Variants in PTPRN2 observed in about 807,000 individuals in gnomAD.
The protein encoded by PTPRN2 is receptor-type tyrosine-protein phosphatase N2.
A neutral mutation model predicts 118.8 loss-of-function variants in PTPRN2; 74 were observed. The ratio of observed to expected loss-of-function variants is 0.62; its 90% confidence interval spans 0.52 to 0.76. The LOEUF (loss-of-function observed/expected upper bound fraction) is 0.76. Among genes scored for constraint, PTPRN2 ranks in the 30% least tolerant of loss-of-function variants. PTPRN2 has a pLI of 0.00. For synonymous variants in PTPRN2, 641 were observed against 608.0 expected, an observed-to-expected ratio of 1.05 and a Z score of -0.80; for missense variants, 1,481 against 1,394.4, an observed-to-expected ratio of 1.06 and a Z score of -0.99.
At chr7:158,209,674 G>A (rs952242710) in intron 3 of PTPRN2, among the ~76,000 whole-genome samples, 4 of 152,146 alleles carry the variant, frequency 2.6e-5, no homozygotes, top group Non-Finnish European at 5.9e-5. Flanking sequence ...TATTGACCAA[G>A]CTGCACTGTT....
At chr7:158,038,873 T>G (rs1454879214) in intron 11 of PTPRN2, among the ~76,000 whole-genome samples, 2 of 151,374 alleles carry the variant, frequency 1.3e-5, no homozygotes, top group Non-Finnish European at 2.9e-5. Context: ...GCATGAAAAT[T>G]GAAGTGTTCA....
chr7:157,932,056 C>A (rs942904944), intron 11 of PTPRN2, among the ~76,000 whole-genome samples: 1 of 152,206 alleles, frequency 6.6e-6, no homozygotes, highest in African/African-American at 2.4e-5. Flanking sequence ...GCTTTACTCT[C>A]ACCTGCAAAA....
chr7:158,078,972 C>T (rs967539510), intron 11 of PTPRN2, among the ~76,000 whole-genome samples: 15 of 152,074 alleles, frequency 9.9e-5, no homozygotes, highest in South Asian at 2.1e-4. Flanking sequence ...CTCAGCCTCC[C>T]GAGTAGCTGA....
At chr7:157,735,453 A>G (rs978880376) in intron 12 of PTPRN2, among the ~76,000 whole-genome samples, 3 of 152,092 alleles carry the variant, frequency 2.0e-5, no homozygotes, top group African/African-American at 4.8e-5. Context: ...CTGCGTCCAC[A>G]CTCAACTGTG....
At chr7:158,146,858 A>G (rs972842029) in intron 6 of PTPRN2, among the ~76,000 whole-genome samples, 1 of 152,042 alleles carries the variant, frequency 6.6e-6, no homozygotes, top group South Asian at 2.1e-4. Context: ...ACCAATGGAT[A>G]GAACAAGCAA....
intron 11 of PTPRN2, among the ~76,000 whole-genome samples, chr7:158,034,235 T>C (rs1201347632): frequency 6.8e-6 from 1 of 147,942 alleles, no homozygotes; most frequent in Non-Finnish European, 1.5e-5. Flanking sequence ...CAATAGAAAC[T>C]CTGCATGCTG....
intron 3 of PTPRN2, among the ~76,000 whole-genome samples, chr7:158,302,692 C>T (rs1800982957): frequency 6.6e-6 from 1 of 152,252 alleles, no homozygotes; most frequent in South Asian, 2.1e-4. Flanking sequence ...GGAACTTAAA[C>T]TCCATCCGGA....
At chr7:158,065,484 C>G (rs1381413159) in intron 11 of PTPRN2, among the ~76,000 whole-genome samples, 1 of 152,232 alleles carries the variant, frequency 6.6e-6, no homozygotes, top group African/African-American at 2.4e-5. Flanking sequence ...CTGACCAAGT[C>G]AGAGCCAAGT....
intron 12 of PTPRN2, among the ~76,000 whole-genome samples, chr7:157,804,353 ACTT>A (rs1399025787): frequency 6.6e-6 from 1 of 152,174 alleles, no homozygotes; most frequent in African/African-American, 2.4e-5. Flanking sequence ...CTTTCCACAC[ACTT>A]CTTCATTCGT....
chr7:158,318,869 G>A (rs1047539827), intron 2 of PTPRN2, among the ~76,000 whole-genome samples: 4 of 152,244 alleles, frequency 2.6e-5, no homozygotes, highest in African/African-American at 9.6e-5. Context: ...AAATATAAGA[G>A]AAGCACATCT....
chr7:158,482,848 C>G (rs928626093), intron 2 of PTPRN2, among the ~76,000 whole-genome samples: 1 of 152,192 alleles, frequency 6.6e-6, no homozygotes, highest in Non-Finnish European at 1.5e-5. Flanking sequence ...GGATTCAGAA[C>G]ACGCTACCTC....
intron 12 of PTPRN2, among the ~76,000 whole-genome samples, chr7:157,696,968 C>T (rs1451970746): frequency 8.8e-6 from 1 of 114,128 alleles, no homozygotes. Context: ...GAGCCCTCAC[C>T]GTCTACCCAT....
chr7:157,685,969 T>A (rs1290426591), intron 12 of PTPRN2, among the ~76,000 whole-genome samples: 1 of 151,972 alleles, frequency 6.6e-6, no homozygotes, highest in African/African-American at 2.4e-5. Context: ...AGGAGGCCCC[T>A]CCTGCAACCT....
chr7:158,474,598 C>A (rs942028595), intron 2 of PTPRN2, among the ~76,000 whole-genome samples: 1 of 152,252 alleles, frequency 6.6e-6, no homozygotes, highest in Non-Finnish European at 1.5e-5. Flanking sequence ...CCAGAGTCAA[C>A]CGCCCAGCAG....
chr7:158,164,493 C>T (rs532529278), intron 6 of PTPRN2, among the ~76,000 whole-genome samples: 32 of 142,506 alleles, frequency 2.2e-4, no homozygotes, highest in African/African-American at 7.9e-4. Context: ...GCTCGCAGAG[C>T]GGGAGCGCGC....
intron 16 of PTPRN2, among the ~76,000 whole-genome samples, 166 bp from the exon 17 acceptor site, chr7:157,595,481 AG>A (rs1801250849): frequency 6.8e-6 from 1 of 147,076 alleles, no homozygotes; most frequent in Non-Finnish European, 1.5e-5. Flanking sequence ...GGAAGCCAGG[AG>A]GTTAGGAAGC....
intron 3 of PTPRN2, among the ~76,000 whole-genome samples, chr7:158,315,888 T>C (rs1176477562): frequency 1.3e-5 from 2 of 152,202 alleles, no homozygotes; most frequent in Non-Finnish European, 2.9e-5. Flanking sequence ...TGACCTGTTC[T>C]GTGGACACCA....
intron 3 of PTPRN2, among the ~76,000 whole-genome samples, chr7:158,212,537 T>TA (rs956308591): frequency 2.0e-5 from 3 of 152,074 alleles, no homozygotes; most frequent in African/African-American, 2.4e-5. Flanking sequence ...AATTAAAAAT[T>TA]AAAAAAATAG....
In PTPRN2 at chr7:157,682,891, G is replaced by C; in HGVS notation, c.1835C>G (p.Ser612Cys). The change falls in exon 13 of 23, where the codon TCC becomes TGC. Residue 612 changes from serine to cysteine, a missense_variant. Physicochemically the swap from Ser to Cys is moderately radical, Grantham distance 112 (BLOSUM62 -1). Transcript: ENST00000389418. Reference protein sequence around the residue: ...FLPPQAEQEDSTKFIALTLVS... With the variant: ...FLPPQAEQEDCTKFIALTLVS... ...CAGGGTGAGCGCGATGAACTTGGTG[G>C]AGTCTTCTTGCTCCGCCTGAGGAGG... 1 of 1,614,018 alleles carries C rather than the reference G, an allele frequency of 6.2e-7. No individual in the cohort carries two copies. The highest frequency in any genetic ancestry group is 8.5e-7 in the Non-Finnish European group (1 of 1,179,982).
Sources: allele counts gnomAD v4.1 joint callset (sites outside exome capture counted in the v4.1 genomes callset), GRCh38; gene constraint gnomAD v4.1.1; transcripts MANE v1.5; gene names NCBI Gene and HGNC (gene_info 2026-07-23, HGNC 2026-07-21).